The following TSEN34 variants were observed in gnomAD, a reference collection of about 807,000 sequenced individuals.
The protein encoded by TSEN34 is tRNA splicing endonuclease subunit 34, also known as tRNA-splicing endonuclease subunit Sen34.
In TSEN34, 25 loss-of-function variants were observed where a neutral mutation model predicts 30.2. The observed-to-expected ratio is 0.83, with a 90% CI of 0.60 to 1.16. The LOEUF (loss-of-function observed/expected upper bound fraction) is 1.16. TSEN34 is among the 50% of genes most tolerant of loss of function. The pLI is 0.00. For missense variants in TSEN34, 475 were observed against 411.9 expected (o/e 1.15, Z -1.33); for synonymous variants, 209 against 177.4 (o/e 1.18, Z -1.41).
rs1395669088 is a variant in TSEN34, at chr19:54,191,710, G to A, written c.244-11G>A. 1 of 1,613,766 alleles carries A rather than the reference G, an allele frequency of 6.2e-7. No individual in the cohort carries two copies. Among genetic ancestry groups the A allele is most frequent in the African/African-American group, 1.3e-5 (1 of 74,954 alleles). ...ATAAGCTTGGAGGTTCCAGCGAAGT[G>A]TGCTTCTCAGGCCCTGACATCCTTC... On this transcript the variant is annotated splice_polypyrimidine_tract_variant and intron_variant, in intron 1 of 3. Coordinates refer to ENST00000396388, the MANE Select transcript of TSEN34 (RefSeq NM_001077446.4).
At chr19:54,191,251 C>G, upstream of TSEN34, 3 of 1,499,852 alleles carry the variant, frequency 2.0e-6, no homozygotes, top group South Asian at 2.5e-5. Flanking sequence ...GCCCCGCCCC[C>G]TGAGGCCTAG....
At chr19:54,191,065 G>A (rs1019219906), upstream of TSEN34, 38 of 1,278,160 alleles carry the variant, frequency 3.0e-5, no homozygotes, top group African/African-American at 5.7e-4. Context: ...GGCACAGAGC[G>A]GGTGCCGACC....
At position 54,191,486 on chromosome 19, in the gene TSEN34, G is replaced by A. The variant is rs1204875281; in HGVS notation, c.122G>A (p.Arg41His). 5 of 1,560,504 alleles carry A rather than the reference G, an allele frequency of 3.2e-6. No individual in the cohort carries two copies. Among genetic ancestry groups the A allele is most frequent in the African/African-American group, 1.4e-5 (1 of 73,640 alleles). Reference sequence around the variant, plus strand: ...GTAGGCGCCCTGCCCCGCGGGCCCCGCCAGAACTCGCGCCTGGGCCTCCCG... The same window carrying A: ...GTAGGCGCCCTGCCCCGCGGGCCCCACCAGAACTCGCGCCTGGGCCTCCCG... Reference protein sequence around the residue: ...RTVGALPRGPRQNSRLGLPLL... With the variant: ...RTVGALPRGPHQNSRLGLPLL... Residue 41 changes from arginine (R) to histidine (H), a missense_variant, in exon 1 of 4, where the codon CGC becomes CAC. Transcript: ENST00000396388.
At position 54,191,311 on chromosome 19, in the gene TSEN34, C is replaced by T; in HGVS notation, c.-54C>T. 1.9e-6 allele frequency: 3 copies of T among 1,546,960 alleles called. No individual in the cohort carries two copies. Among genetic ancestry groups the T allele is most frequent in the Non-Finnish European group, 1.7e-6 (2 of 1,145,940 alleles). On this transcript the variant is annotated 5_prime_UTR_variant, in exon 1 of 4. Transcript: ENST00000396388. ...GAGGCTTTGGGTGCGCTGCAGCGGT[C>T]CGCGGCGCGCAGCTGTTTCGGTAAC...
At position 54,192,202 on chromosome 19, in the gene TSEN34, C is replaced by T; in HGVS notation, c.574C>T (p.Pro192Ser). 6.2e-7 allele frequency: 1 copy of T among 1,614,176 alleles called. No individual in the cohort carries two copies. The highest frequency in any genetic ancestry group is 8.5e-7 in the Non-Finnish European group (1 of 1,180,008). ...CCTTGTCCAGCTGGCCACTGCCAGG[C>T]CTCGACCGGTCAAGGCCAGGCCCCT... ...ALLVQLATAR[P>S]RPVKARPLDW... is the part of the protein sequence containing the mutation. Residue 192 changes from proline (P) to serine (S), a missense_variant, in exon 3 of 4, where the codon CCT (proline) becomes TCT (serine). Coordinates refer to ENST00000396388, the MANE Select transcript of TSEN34 (RefSeq NM_001077446.4).
At chr19:54,190,812 C>A, upstream of TSEN34, 3 of 1,076,532 alleles carry the variant, frequency 2.8e-6, no homozygotes, top group Non-Finnish European at 3.4e-6. Context: ...CGAGGAGGTC[C>A]GAAAGCCGAA....
chr19:54,190,349 G>C, upstream of TSEN34: 1 of 1,529,474 alleles, frequency 6.5e-7, no homozygotes. Flanking sequence ...GCTCCACCTC[G>C]ACTGCGAATT....
chr19:54,192,105 C>T lies in TSEN34; in HGVS notation c.488-11C>T, dbSNP rs756796287. 4 of 1,614,098 alleles carry T rather than the reference C, an allele frequency of 2.5e-6. No homozygotes were observed. Among genetic ancestry groups the T allele is most frequent in the Admixed American group, 1.7e-5 (1 of 60,008 alleles). ...TGAATTTACCAAACTCTTCTCTGTA[C>T]TCCCCACCAGGCCCCTCGTCTTCCC... On this transcript the variant is annotated splice_polypyrimidine_tract_variant and intron_variant, in intron 2 of 3. Transcript: ENST00000396388.
chr19:54,193,722 T>C lies in TSEN34; in HGVS notation c.*360T>C. On this transcript the variant is annotated 3_prime_UTR_variant, in exon 4 of 4. Coordinates refer to ENST00000396388, the MANE Select transcript of TSEN34 (RefSeq NM_001077446.4). ...ACCCGTGGATGGTCTCATCTGCATG[T>C]ACAGGTGAGAAAAAGGCCTGGAGGA... The C allele has an allele frequency of 2.7e-6, 2 of 734,964 alleles. No homozygotes were observed. Among genetic ancestry groups the C allele is most frequent in the Non-Finnish European group, 4.8e-6 (2 of 414,756 alleles). 45.5% of individuals were successfully genotyped at this position (734,964 alleles called of 1,614,324 possible).
Position 54,192,351 on chromosome 19 carries a change from A to G in TSEN34, c.723A>G (p.Gly241=). ...GFFLSAAGKF[G]GDFLVYPGDP... ...TCCTCAGTGCGGCTGGCAAGTTCGG[A>G]GGTGACTTCCTGGTCTATCCTGGTG... is the stretch of plus-strand genomic sequence containing the variant. The change falls in exon 3 of 4, where the codon GGA becomes GGG. Residue 241 remains glycine (G), a synonymous_variant. Coordinates refer to ENST00000396388, the MANE Select transcript of TSEN34 (RefSeq NM_001077446.4). The G allele has an allele frequency of 6.2e-7, 1 of 1,613,758 alleles. No homozygotes were observed. The highest frequency in any genetic ancestry group is 8.5e-7 in the Non-Finnish European group (1 of 1,179,988).
rs540209849 is a variant in TSEN34 at position 54,192,336 on chromosome 19, G to A, written c.708G>A (p.Ala236=). 8 of 1,614,200 alleles carry A rather than the reference G, an allele frequency of 5.0e-6. No individual in the cohort carries two copies. Among genetic ancestry groups the A allele is most frequent in the South Asian group, 4.4e-5 (4 of 91,084 alleles). Residue 236 remains alanine, a synonymous_variant, in exon 3 of 4, where the codon GCG becomes GCA. Coordinates refer to ENST00000396388, the MANE Select transcript of TSEN34 (RefSeq NM_001077446.4). ...GGGAGCGAGGCTTCTTCCTCAGTGC[G>A]GCTGGCAAGTTCGGAGGTGACTTCC... ...DLWERGFFLS[A]AGKFGGDFLV... is the part of the protein sequence containing the mutation.
chr19:54,190,336 G>C, upstream of TSEN34: 1 of 1,526,656 alleles, frequency 6.6e-7, no homozygotes, highest in Non-Finnish European at 8.8e-7. Context: ...TGCGCAGTGG[G>C]TGGCTCCACC....
intron 3 of TSEN34, among the ~76,000 whole-genome samples, chr19:54,192,929 C>G (rs1469834000): frequency 6.9e-6 from 1 of 144,752 alleles, no homozygotes; most frequent in Non-Finnish European, 1.5e-5. Flanking sequence ...CATGTGAACC[C>G]AGGGGGCAGA....
At position 54,192,273 on chromosome 19, in the gene TSEN34, T is replaced by G. The variant is rs765024061; in HGVS notation, c.645T>G (p.Pro215=). 9 of 1,613,778 alleles carry G rather than the reference T, an allele frequency of 5.6e-6. No individual in the cohort carries two copies. The highest frequency in any genetic ancestry group is 7.6e-6 in the Non-Finnish European group (9 of 1,179,974). Reference sequence around the variant, plus strand: ...AAGACTGGCCCCACGCCGGCCGCCCTGCCCACGAGCTGCGCTACAGTATCT... The same window carrying G: ...AAGACTGGCCCCACGCCGGCCGCCCGGCCCACGAGCTGCGCTACAGTATCT... The part of the protein sequence containing the change: ...QSKDWPHAGR[P]AHELRYSIYR... Residue 215 remains proline, a synonymous_variant, in exon 3 of 4, where the codon CCT becomes CCG. Coordinates refer to ENST00000396388, the MANE Select transcript of TSEN34 (RefSeq NM_001077446.4).
upstream of TSEN34, chr19:54,190,790 G>A (rs376215891): frequency 3.5e-5 from 39 of 1,112,728 alleles, no homozygotes; most frequent in Non-Finnish European, 4.2e-5. Context: ...TTGTACTGTG[G>A]GAGTCTGAGA....
chr19:54,193,916 T>C lies in TSEN34; in HGVS notation c.*554T>C, dbSNP rs1888643650. 6 of 548,890 alleles carry C rather than the reference T, an allele frequency of 1.1e-5. No homozygotes were observed. The allele number at this position is 548,890 out of a possible 1,614,324, so 34.0% of individuals were successfully genotyped here. A position where few individuals can be genotyped will look rare whatever the true frequency, so the allele number is the denominator to read the frequency against. Reference sequence around the variant, plus strand: ...CATACAAACGTTATAAATAAAAATATAGGCTGGGCACGATGACCCACACCT... The same window carrying C: ...CATACAAACGTTATAAATAAAAATACAGGCTGGGCACGATGACCCACACCT... On this transcript the variant is annotated 3_prime_UTR_variant, in exon 4 of 4. Coordinates refer to ENST00000396388, the MANE Select transcript of TSEN34 (RefSeq NM_001077446.4).
rs781098323 is a variant in TSEN34 at position 54,191,605 on chromosome 19, C to T, written c.241C>T (p.Leu81=). The T allele has an allele frequency of 2.5e-6, 4 of 1,603,568 alleles. No homozygotes were observed. Among genetic ancestry groups the T allele is most frequent in the African/African-American group, 1.3e-5 (1 of 74,792 alleles). ...GCGTCCAGACTCTCGGCACCACAGC[C>T]TGGTAAGGGGGCGGGGCTCGAACTC... ...APRPDSRHHS[L]ALTSFKRQQE... is the part of the protein sequence containing the mutation. Residue 81 remains leucine, a splice_region_variant and synonymous_variant, in exon 1 of 4, where the codon CTG becomes TTG. Transcript: ENST00000396388.
intron 2 of TSEN34, 29 bp downstream of exon 2, chr19:54,191,993 C>T (rs1310368365): frequency 1.2e-6 from 2 of 1,614,082 alleles, no homozygotes; most frequent in Middle Eastern, 1.7e-4. Flanking sequence ...GTCCAGGGAC[C>T]ACGGGAAGGA....
chr19:54,190,849 C>A, upstream of TSEN34: 1 of 1,049,800 alleles, frequency 9.5e-7, no homozygotes, highest in Non-Finnish European at 1.1e-6. Context: ...AGAGGAGGAG[C>A]GAAGGCTCGA....
Sources: gnomAD v4.1 joint callset for allele counts (sites outside exome capture counted in the v4.1 genomes callset) on GRCh38, gnomAD v4.1.1 for gene constraint, MANE v1.5 for transcripts, NCBI Gene and HGNC (gene_info 2026-07-23, HGNC 2026-07-21) for gene names.